The following AFF3 variants were observed in gnomAD, a reference collection of about 807,000 sequenced individuals.
AFF3 encodes ALF transcription elongation factor 3, also known as AF4/FMR2 family member 3.
In AFF3, 32 loss-of-function variants were observed where a neutral mutation model predicts 129.7. The observed-to-expected ratio is 0.25, with a 90% confidence interval of 0.19 to 0.33. The LOEUF is 0.33. AFF3 is among the 10% of genes least tolerant of loss of function. AFF3 has a pLI of 1.00. For missense variants in AFF3, 1,373 were observed against 1,592.0 expected, an observed-to-expected ratio of 0.86 and a Z score of 2.34; for synonymous variants, 644 against 635.4, an observed-to-expected ratio of 1.01 and a Z score of -0.20.
chr2:99,787,997 C>T (rs1035922752), intron 8 of AFF3, among the ~76,000 whole-genome samples: 1 of 152,194 alleles, frequency 6.6e-6, no homozygotes, highest in Admixed American at 6.5e-5. Context: ...ATGGAGCTGA[C>T]GTCCTATCAC....
At chr2:99,693,030 T>C (rs1321288879) in intron 11 of AFF3, among the ~76,000 whole-genome samples, 1 of 152,226 alleles carries the variant, frequency 6.6e-6, no homozygotes, top group Non-Finnish European at 1.5e-5. Context: ...CACCAATCCA[T>C]ACTCCCATAT....
chr2:100,039,652 T>C (rs1685261661), intron 4 of AFF3, among the ~76,000 whole-genome samples: 1 of 152,152 alleles, frequency 6.6e-6, no homozygotes, highest in African/African-American at 2.4e-5. Context: ...GTCCATATTC[T>C]TGATGTCCGG....
At chr2:99,723,613 G>A (rs1016767990) in intron 11 of AFF3, among the ~76,000 whole-genome samples, 2 of 152,136 alleles carry the variant, frequency 1.3e-5, no homozygotes, top group East Asian at 1.9e-4. Context: ...TACTTAGGCT[G>A]TCTCCCCTTT....
At chr2:99,861,074 C>CA (rs1244725709) in intron 7 of AFF3, among the ~76,000 whole-genome samples, 2 of 152,146 alleles carry the variant, frequency 1.3e-5, no homozygotes, top group Non-Finnish European at 2.9e-5. Context: ...TGGAGAGAAT[C>CA]AGAGGGCTTC....
intron 8 of AFF3, among the ~76,000 whole-genome samples, chr2:99,754,847 C>T (rs1272274485): frequency 6.6e-6 from 1 of 152,216 alleles, no homozygotes; most frequent in Non-Finnish European, 1.5e-5. Context: ...TGAAAACTTA[C>T]CATTGGCAGG....
At chr2:99,949,018 G>C (rs376831550) in intron 7 of AFF3, among the ~76,000 whole-genome samples, 3 of 152,314 alleles carry the variant, frequency 2.0e-5, no homozygotes, top group African/African-American at 7.2e-5. Context: ...TTTCAGCTAG[G>C]AGGTTATGCC....
chr2:99,870,302 T>A (rs1691776401), intron 7 of AFF3, among the ~76,000 whole-genome samples: 1 of 152,236 alleles, frequency 6.6e-6, no homozygotes, highest in Non-Finnish European at 1.5e-5. Flanking sequence ...TGTAGTTGGC[T>A]ATCTGGACAA....
chr2:99,851,400 A>G (rs2105870959), intron 7 of AFF3, among the ~76,000 whole-genome samples: 1 of 152,300 alleles, frequency 6.6e-6, no homozygotes, highest in African/African-American at 2.4e-5. Context: ...ATGTTTTATT[A>G]AAAATATATT....
At chr2:99,664,724 C>T (rs1313028486) in intron 12 of AFF3, among the ~76,000 whole-genome samples, 3 of 152,200 alleles carry the variant, frequency 2.0e-5, no homozygotes, top group Non-Finnish European at 2.9e-5. Context: ...GAAATACTCT[C>T]AATTGAAGGC....
At chr2:100,104,171 G>A (rs1445875529) in intron 4 of AFF3, among the ~76,000 whole-genome samples, 1 of 152,084 alleles carries the variant, frequency 6.6e-6, no homozygotes, top group Non-Finnish European at 1.5e-5. Context: ...CCCTGGGCTG[G>A]GGCGGGCCGC....
chr2:99,649,202 T>C (rs550537528), intron 13 of AFF3, among the ~76,000 whole-genome samples: 3 of 152,228 alleles, frequency 2.0e-5, no homozygotes, highest in South Asian at 2.1e-4. Flanking sequence ...GTTATGTGCA[T>C]AAAATATTTC....
chr2:99,697,895 G>A (rs2104743935), intron 11 of AFF3, among the ~76,000 whole-genome samples: 1 of 152,336 alleles, frequency 6.6e-6, no homozygotes, highest in South Asian at 2.1e-4. Flanking sequence ...GTAAGGTAGT[G>A]AACAAATACC....
chr2:99,941,853 C>G (rs1002151404), intron 7 of AFF3, among the ~76,000 whole-genome samples: 1 of 152,222 alleles, frequency 6.6e-6, no homozygotes, highest in African/African-American at 2.4e-5. Flanking sequence ...CTGATGACAT[C>G]ACGGAGCCTC....
chr2:99,969,245 G>A (rs1009586062), intron 7 of AFF3, among the ~76,000 whole-genome samples: 6 of 152,142 alleles, frequency 3.9e-5, no homozygotes, highest in African/African-American at 1.4e-4. Flanking sequence ...TCTACCCTCA[G>A]AGGTGACACA....
At chr2:100,121,365 G>A (rs143529975) in intron 2 of AFF3, among the ~76,000 whole-genome samples, 275 of 152,260 alleles carry the variant, frequency 1.8e-3, no homozygotes, top group Non-Finnish European at 2.8e-3. Context: ...AGAGGAGTCC[G>A]GCCAGGGATG....
chr2:99,555,330 G>A (rs1289034240), intron 22 of AFF3, among the ~76,000 whole-genome samples: 2 of 152,122 alleles, frequency 1.3e-5, no homozygotes, highest in African/African-American at 4.8e-5. Context: ...AGAAACAGTC[G>A]ACATACATTT....
At position 99,547,640 on chromosome 2, in the gene AFF3, T is replaced by C. The variant is rs186929250; in HGVS notation, c.*3834A>G. 1 of 209,158 alleles carries C rather than the reference T, an allele frequency of 4.8e-6. No homozygotes were observed. The highest frequency in any genetic ancestry group is 9.7e-6 in the Non-Finnish European group (1 of 102,770). 13.0% of individuals were successfully genotyped at this position (209,158 alleles called of 1,614,324 possible). On this transcript the variant is annotated 3_prime_UTR_variant, in exon 25 of 25. Coordinates refer to ENST00000672756, the MANE Select transcript of AFF3 (RefSeq NM_001386135.1). ...ATGTTGGCTGCACTGATTAATTTTA[T>C]AACAATTACTGCACTTCCAAGTTGA...
chr2:99,682,344 G>T (rs1010082880), intron 11 of AFF3, among the ~76,000 whole-genome samples: 7 of 152,130 alleles, frequency 4.6e-5, no homozygotes, highest in Admixed American at 1.3e-4. Flanking sequence ...TAACTTATCT[G>T]GCTTCACTCT....
At chr2:99,972,542 T>C (rs1002402220) in intron 7 of AFF3, among the ~76,000 whole-genome samples, 15 of 152,378 alleles carry the variant, frequency 9.8e-5, no homozygotes, top group Non-Finnish European at 1.6e-4. Flanking sequence ...GATAGTATTT[T>C]ACCTCATTAG....
Sources: allele counts gnomAD v4.1 joint callset (sites outside exome capture counted in the v4.1 genomes callset), GRCh38; gene constraint gnomAD v4.1.1; transcripts MANE v1.5; gene names NCBI Gene and HGNC (gene_info 2026-07-23, HGNC 2026-07-21).